The following SP140L variants were observed in gnomAD, a reference collection of about 807,000 sequenced individuals.
SP140L encodes SP140 like nuclear body protein.
In SP140L, 64 loss-of-function variants were observed where a neutral mutation model predicts 84.3. That is an observed-to-expected ratio of 0.76 (90% CI 0.62 to 0.94). The LOEUF (loss-of-function observed/expected upper bound fraction) is 0.94. Ranked by LOEUF, SP140L falls within the 40% of genes least tolerant of loss-of-function variation. SP140L has a pLI of 0.00. For missense variants in SP140L, 628 were observed against 692.5 expected (o/e 0.91, Z 1.05); for synonymous variants, 242 against 236.9 (o/e 1.02, Z -0.20).
At position 230,397,669 on chromosome 2, in the gene SP140L, A is replaced by C. The variant is rs370471087; in HGVS notation, c.1197+871A>C. 3.3e-5 allele frequency among the ~76,000 whole-genome samples: 5 copies of C among 152,316 alleles called. No homozygotes were observed. In the East Asian group the frequency reaches 5.8e-4, roughly 18 times the overall value. On this transcript the variant is annotated intron_variant, in intron 14 of 18. Transcript: ENST00000415673. ...CAACTCCAGGGGGCAGGACTCACAT[A>C]GAATATCATGCAATAGCACTGACAC... is the stretch of plus-strand genomic sequence containing the variant.
Position 230,370,861 on chromosome 2 carries a change from A to G in SP140L, c.524-47A>G, listed in dbSNP as rs1357021756. 1.5e-5 allele frequency: 24 copies of G among 1,592,086 alleles called. No homozygotes were observed. The East Asian group carries it at 2.7e-4, about 18-fold the overall frequency. ...ACAATTTTGCCCCGGGAGCAGAGCG[A>G]CCAGCATGTGAAAATGAGAAGTGTT... On this transcript the variant is annotated intron_variant, in intron 5 of 18. Coordinates refer to ENST00000415673, the MANE Select transcript of SP140L (RefSeq NM_138402.6).
intron 7 of SP140L, among the ~76,000 whole-genome samples, chr2:230,377,852 A>AT (rs35146979): frequency 0.71 from 107,838 of 151,884 alleles, 38,864 homozygotes; most frequent in South Asian, 0.76. Flanking sequence ...TACATTTACC[A>AT]TTTTTCCTTT....
At chr2:230,338,042 G>A (rs1201658168) in intron 2 of SP140L, among the ~76,000 whole-genome samples, 1 of 146,660 alleles carries the variant, frequency 6.8e-6, no homozygotes, top group East Asian at 2.0e-4. Context: ...AAAGTCATTG[G>A]TAGCTTGATG....
At chr2:230,354,366 T>G (rs1416338777) in intron 2 of SP140L, among the ~76,000 whole-genome samples, 1 of 152,226 alleles carries the variant, frequency 6.6e-6, no homozygotes, top group Non-Finnish European at 1.5e-5. Context: ...TAGGAATAGA[T>G]AGGAACTCAG....
chr2:230,355,382 A>G (rs192981300), intron 2 of SP140L, among the ~76,000 whole-genome samples: 1 of 152,348 alleles, frequency 6.6e-6, no homozygotes, highest in Admixed American at 6.5e-5. Flanking sequence ...AATAAATTTA[A>G]TGAAAGATGT....
chr2:230,401,679 C>G lies in SP140L; in HGVS notation c.1516C>G (p.Gln506Glu). The change falls in exon 18 of 19, where the codon CAA becomes GAA. Residue 506 changes from glutamine to glutamate, a missense_variant. Coordinates refer to ENST00000415673, the MANE Select transcript of SP140L (RefSeq NM_138402.6). ...TTGTCACCAGATTAGAGAGGCGTGT[C>G]AAGGCCTGAAGGAGCCCATGTGGTT... ...PYYYYIREACQGLKEPMWLDK... is the reference protein window; with the variant it reads ...PYYYYIREACEGLKEPMWLDK... The G allele has an allele frequency of 7.2e-7, 1 of 1,397,568 alleles. No homozygotes were observed. Among genetic ancestry groups the G allele is most frequent in the Non-Finnish European group, 9.9e-7 (1 of 1,007,510 alleles). 86.6% of individuals were successfully genotyped at this position (1,397,568 alleles called of 1,614,324 possible). A position where few individuals can be genotyped will look rare whatever the true frequency, so the allele number is the denominator to read the frequency against.
rs1044083924 is a variant in SP140L, at chr2:230,359,276, T to C, written c.439+144T>C. The C allele has an allele frequency of 1.4e-5, 10 of 700,940 alleles. No individual in the cohort carries two copies. In the Admixed American group the frequency reaches 1.9e-4, roughly 13 times the overall value. 43.4% of individuals were successfully genotyped at this position (700,940 alleles called of 1,614,324 possible). A position where few individuals can be genotyped will look rare whatever the true frequency, so the allele number is the denominator to read the frequency against. ...CAAAATAGACGTGTCATGAGTCTTC[T>C]TGAAGCCCATGGTATATGGCTATGG... On this transcript the variant is annotated intron_variant, in intron 4 of 18. Coordinates refer to ENST00000415673, the MANE Select transcript of SP140L (RefSeq NM_138402.6).
intron 11 of SP140L, chr2:230,391,877 C>CA: frequency 1.7e-6 from 1 of 576,988 alleles, no homozygotes; most frequent in Non-Finnish European, 3.0e-6. Context: ...GGGTGAAGGT[C>CA]AAAGACATGT....
chr2:230,385,085 C>G, intron 8 of SP140L, 139 bp from the exon 9 acceptor site: 1 of 714,658 alleles, frequency 1.4e-6, no homozygotes. Flanking sequence ...TCAACACTCC[C>G]CAAAGCAGAA....
chr2:230,366,709 T>TTA (rs1559432203), intron 5 of SP140L, among the ~76,000 whole-genome samples: 38 of 64,990 alleles, frequency 5.8e-4, no homozygotes, highest in East Asian at 1.4e-3. Flanking sequence ...TGGATTATTA[T>TTA]CTATTATTAT....
chr2:230,327,500 T>G (rs1049530132), intron 1 of SP140L, among the ~76,000 whole-genome samples, 199 bp downstream of exon 1: 9 of 152,240 alleles, frequency 5.9e-5, no homozygotes, highest in African/African-American at 2.2e-4. Context: ...GCTGTTTGTG[T>G]GAGTCCAGCT....
In SP140L at chr2:230,389,039, T is replaced by G. The variant is rs1257836524; in HGVS notation, c.859+406T>G. On this transcript the variant is annotated intron_variant, in intron 10 of 18. Transcript: ENST00000415673. The stretch of plus-strand genomic sequence containing the variant: ...ATCTGTGTCCTAAGGCTTTTTGGCT[T>G]TTTAAAAAATCTTTGACTGTGTGAT... Among the ~76,000 whole-genome samples, 3 of 152,354 alleles carry G rather than the reference T, an allele frequency of 2.0e-5. No individual in the cohort carries two copies. The East Asian group carries it at 5.8e-4, about 29-fold the overall frequency.
intron 2 of SP140L, among the ~76,000 whole-genome samples, chr2:230,333,899 G>A (rs1579396): frequency 0.15 from 22,234 of 151,892 alleles, 1,797 homozygotes; most frequent in African/African-American, 0.21. Context: ...TTAAAAAGTT[G>A]TTTCTCGTTT....
In SP140L at chr2:230,402,918, G is replaced by A; in HGVS notation, c.*22G>A. ...TTGACTGGTTTAGTGGATGCTGAAG[G>A]CCTTCAGGAAATATGCTACTGGTTG... On this transcript the variant is annotated 3_prime_UTR_variant, in exon 19 of 19. Coordinates refer to ENST00000415673, the MANE Select transcript of SP140L (RefSeq NM_138402.6). 1.3e-6 allele frequency: 2 copies of A among 1,584,958 alleles called. No individual in the cohort carries two copies. The highest frequency in any genetic ancestry group is 1.2e-5 in the South Asian group (1 of 86,434).
intron 13 of SP140L, 140 bp downstream of exon 13, chr2:230,393,601 ATATACACT>A: frequency 9.6e-7 from 1 of 1,044,608 alleles, no homozygotes; most frequent in South Asian, 2.0e-5. Context: ...AATTTTTTTA[ATATACACT>A]TTCAGAGTTA....
intron 7 of SP140L, among the ~76,000 whole-genome samples, chr2:230,374,150 T>A (rs2149773997): frequency 6.6e-6 from 1 of 152,292 alleles, no homozygotes; most frequent in East Asian, 1.9e-4. Context: ...ACCCTGTCTC[T>A]ACTAAAAATA....
At chr2:230,402,633 A>T (rs1010713204) in intron 18 of SP140L, among the ~76,000 whole-genome samples, 165 bp from the exon 19 acceptor site, 1 of 152,250 alleles carries the variant, frequency 6.6e-6, no homozygotes, top group Non-Finnish European at 1.5e-5. Flanking sequence ...CATAGCAGTC[A>T]TAAATCACAA....
intron 2 of SP140L, among the ~76,000 whole-genome samples, chr2:230,343,144 T>TCCCAAAAAC (rs2060109859): frequency 1.3e-5 from 2 of 149,108 alleles, no homozygotes; most frequent in Admixed American, 6.7e-5. Context: ...GTTTGTTACA[T>TCCCAAAAAC]AGGTAAACAT....
intron 2 of SP140L, among the ~76,000 whole-genome samples, chr2:230,346,923 G>A (rs2060225610): frequency 6.6e-6 from 1 of 152,050 alleles, no homozygotes; most frequent in African/African-American, 2.4e-5. Flanking sequence ...TTCTTTTAGG[G>A]GTTTTATTTT....
Sources: gnomAD v4.1 joint callset for allele counts (sites outside exome capture counted in the v4.1 genomes callset) on GRCh38, gnomAD v4.1.1 for gene constraint, MANE v1.5 for transcripts, NCBI Gene and HGNC (gene_info 2026-07-23, HGNC 2026-07-21) for gene names.